The following ZNF536 variants were observed in gnomAD, a reference collection of about 807,000 sequenced individuals.
ZNF536 encodes zinc finger protein 536.
In ZNF536, 13 loss-of-function variants were observed where a neutral mutation model predicts 84.5. The ratio of observed to expected loss-of-function variants is 0.15; its 90% CI spans 0.10 to 0.24. The LOEUF (loss-of-function observed/expected upper bound fraction) is 0.24, where lower values mean the gene tolerates loss of function less well. Ranked by LOEUF, ZNF536 falls within the 10% of genes least tolerant of loss-of-function variation. The pLI is 1.00. For missense variants in ZNF536, 1,536 were observed against 1,747.5 expected, an observed-to-expected ratio of 0.88 and a Z score of 2.16; for synonymous variants, 811 against 742.5, an observed-to-expected ratio of 1.09 and a Z score of -1.50.
chr19:30,711,573 G>A (rs138727491), exon 2 of ZNF536: 2 of 152,156 alleles, frequency 1.3e-5, no homozygotes, highest in African/African-American at 4.8e-5. Context: ...AACCTTAGAC[G>A]GCCCGCAGCC....
chr19:30,632,369 G>T (rs1343811569), intron 1 of ZNF536, among the ~76,000 whole-genome samples: 1 of 152,158 alleles, frequency 6.6e-6, no homozygotes, highest in Non-Finnish European at 1.5e-5. Flanking sequence ...ACTTTGGGAG[G>T]CCAAGGCGGG....
At chr19:30,267,000 A>G (rs1466939747) in intron 1 of ZNF536, among the ~76,000 whole-genome samples, 5 of 152,228 alleles carry the variant, frequency 3.3e-5, no homozygotes, top group Non-Finnish European at 7.3e-5. Context: ...GTCAGGTTTT[A>G]TTATGCAGGA....
intron 1 of ZNF536, among the ~76,000 whole-genome samples, chr19:30,654,444 G>A (rs576341673): frequency 1.3e-5 from 2 of 150,770 alleles, no homozygotes; most frequent in African/African-American, 4.9e-5. Context: ...GTCTCTCCTG[G>A]AAACTGGTGG....
chr19:30,669,268 G>T (rs898637644), intron 1 of ZNF536, among the ~76,000 whole-genome samples: 1 of 152,220 alleles, frequency 6.6e-6, no homozygotes. Context: ...CTCCATTTCT[G>T]TTCCTCACGC....
intron 2 of ZNF536, among the ~76,000 whole-genome samples, chr19:30,337,939 TATG>T (rs1395563222): frequency 6.6e-6 from 1 of 151,754 alleles, no homozygotes; most frequent in Non-Finnish European, 1.5e-5. Flanking sequence ...ATAATGTTGA[TATG>T]ATGATAATGG....
At chr19:30,422,985 A>ACATCCATCCATCCATC (rs548956056) in intron 1 of ZNF536, among the ~76,000 whole-genome samples, 978 of 52,198 alleles carry the variant, frequency 0.019, 186 homozygotes, top group African/African-American at 0.084. Flanking sequence ...ATCCAACCAA[A>ACATCCATCCATCCATC]CATCCATCCA....
At chr19:30,690,819 C>T (rs928017048) in intron 1 of ZNF536, among the ~76,000 whole-genome samples, 6 of 152,192 alleles carry the variant, frequency 3.9e-5, no homozygotes, top group African/African-American at 9.7e-5. Flanking sequence ...AATCAGCTGT[C>T]CCATTCTTAA....
At chr19:30,403,044 C>G (rs1370833357) in intron 1 of ZNF536, among the ~76,000 whole-genome samples, 1 of 151,956 alleles carries the variant, frequency 6.6e-6, no homozygotes, top group Non-Finnish European at 1.5e-5. Flanking sequence ...GCCTGCAACT[C>G]TGGGCTTTCA....
At chr19:30,570,462 T>C (rs2046506454) in intron 1 of ZNF536, among the ~76,000 whole-genome samples, 1 of 152,174 alleles carries the variant, frequency 6.6e-6, no homozygotes, top group Non-Finnish European at 1.5e-5. Context: ...CCCACGTTGT[T>C]ATTGTGCACG....
intron 1 of ZNF536, among the ~76,000 whole-genome samples, chr19:30,418,203 T>A: frequency 6.6e-6 from 1 of 152,154 alleles, no homozygotes; most frequent in South Asian, 2.1e-4. Flanking sequence ...CTATTATGCT[T>A]GATTTTTAAA....
intron 2 of ZNF536, among the ~76,000 whole-genome samples, chr19:30,341,549 A>G (rs1361605925): frequency 6.6e-6 from 1 of 152,190 alleles, no homozygotes; most frequent in African/African-American, 2.4e-5. Flanking sequence ...GCTATTCTGC[A>G]TGAGTTCATG....
chr19:30,243,899 CTT>C (rs1253857430), intron 1 of ZNF536, among the ~76,000 whole-genome samples: 2 of 152,180 alleles, frequency 1.3e-5, no homozygotes, highest in African/African-American at 4.8e-5. Flanking sequence ...CAATGAAAAA[CTT>C]TTGCCATTGC....
intron 1 of ZNF536, among the ~76,000 whole-genome samples, chr19:30,563,858 C>A (rs1010286940): frequency 5.3e-5 from 8 of 152,146 alleles, no homozygotes; most frequent in Non-Finnish European, 1.5e-5. Context: ...AGCCTGACAA[C>A]CCCTGCGGAT....
chr19:30,385,425 G>A (rs907452881), intron 1 of ZNF536, among the ~76,000 whole-genome samples: 1 of 152,118 alleles, frequency 6.6e-6, no homozygotes. Context: ...CTCCCTGTGG[G>A]CTGGGTAACG....
At chr19:30,355,814 A>G (rs1266228149) in intron 3 of ZNF536, among the ~76,000 whole-genome samples, 4 of 152,136 alleles carry the variant, frequency 2.6e-5, no homozygotes, top group Non-Finnish European at 5.9e-5. Context: ...TGAGGGATCT[A>G]GGTTGCGTGC....
chr19:30,307,584 G>A lies in ZNF536; in HGVS notation c.-120+23443G>A, dbSNP rs144745288. Among the ~76,000 whole-genome samples, 70 of 151,896 alleles carry A rather than the reference G, an allele frequency of 4.6e-4. 1 individual carries two copies. The highest frequency in any genetic ancestry group is 2.3e-3 in the East Asian group (12 of 5,174). ...CATTCACCCAAGAGTCACCCTAACC[G>A]TTCATTCTGCTGAGAGCCCCTTCTC... On this transcript the variant is annotated intron_variant, in intron 2 of 5. Transcript: ENST00000585628.
intron 1 of ZNF536, among the ~76,000 whole-genome samples, chr19:30,375,134 C>T (rs1271803909): frequency 6.6e-6 from 1 of 150,906 alleles, no homozygotes; most frequent in Non-Finnish European, 1.5e-5. Flanking sequence ...TGTTTTCTGG[C>T]GCGGTCGCGG....
intron 1 of ZNF536, among the ~76,000 whole-genome samples, chr19:30,605,036 T>C (rs1177697253): frequency 6.6e-6 from 1 of 152,140 alleles, no homozygotes; most frequent in Non-Finnish European, 1.5e-5. Context: ...CCTCACAGTC[T>C]CTCTGTTGGG....
Position 30,617,333 on chromosome 19 carries a change from C to CTTTTTTTTTTTTTTT in ZNF536, c.169+67838_169+67852dup, listed in dbSNP as rs556835599. Reference sequence around the variant, plus strand: ...GAGTCCACCATATCTGAATAGCTTACTTTTTTTTTTTTTTTTTTTTTTTTT... The same window carrying CTTTTTTTTTTTTTTT: ...GAGTCCACCATATCTGAATAGCTTACTTTTTTTTTTTTTTTTTTTTTTTTTTTTTTTTTTTTTTTT... On this transcript the variant is annotated intron_variant, in intron 1 of 1. Coordinates refer to the ZNF536 transcript ENST00000592773. Among the ~76,000 whole-genome samples, 66 of 37,708 alleles carry CTTTTTTTTTTTTTTT rather than the reference C, an allele frequency of 1.8e-3. 23 individuals are homozygous for CTTTTTTTTTTTTTTT. Among genetic ancestry groups the CTTTTTTTTTTTTTTT allele is most frequent in the Non-Finnish European group, 2.8e-3 (47 of 16,966 alleles). 24.7% of individuals were successfully genotyped at this position (37,708 alleles called of 152,430 possible).
Sources: allele counts gnomAD v4.1 joint callset (sites outside exome capture counted in the v4.1 genomes callset), GRCh38; gene constraint gnomAD v4.1.1; transcripts MANE v1.5; gene names NCBI Gene and HGNC (gene_info 2026-07-23, HGNC 2026-07-21).